LARP1B: variants seen among roughly 807,000 people sequenced by gnomAD.
LARP1B encodes the protein la-related protein 1B.
Under a neutral mutation model 114.2 loss-of-function variants are expected in LARP1B, and 76 were observed. The observed-to-expected ratio is 0.67, with a 90% confidence interval of 0.55 to 0.81. LARP1B has a LOEUF of 0.81. Among genes scored for constraint, LARP1B ranks in the 30% least tolerant of loss-of-function variants. LARP1B has a pLI of 0.00. For missense variants in LARP1B, 1,014 were observed against 1,075.8 expected (o/e 0.94, Z 0.80); for synonymous variants, 345 against 348.0 (o/e 0.99, Z 0.10).
chr4:128,165,246 G>A (rs1030675687), intron 12 of LARP1B, among the ~76,000 whole-genome samples: 38 of 151,688 alleles, frequency 2.5e-4, no homozygotes, highest in African/African-American at 8.9e-4. Flanking sequence ...CGGTATGAGT[G>A]TGTATCAGCT....
chr4:128,114,832 AT>A, intron 10 of LARP1B, 90 bp downstream of exon 10: 1 of 1,231,342 alleles, frequency 8.1e-7, no homozygotes, highest in Non-Finnish European at 1.1e-6. Flanking sequence ...CATATGTAAA[AT>A]TTGGAAAAGT....
chr4:128,107,989 G>T, intron 9 of LARP1B: 1 of 1,526,154 alleles, frequency 6.6e-7, no homozygotes, highest in Non-Finnish European at 8.7e-7. Flanking sequence ...AAATCCTGCT[G>T]CAAAAATGAA....
At chr4:128,146,903 T>C (rs1370488292) in intron 11 of LARP1B, among the ~76,000 whole-genome samples, 2 of 152,216 alleles carry the variant, frequency 1.3e-5, no homozygotes, top group African/African-American at 4.8e-5. Flanking sequence ...GAATATTCTA[T>C]ATTATAAAAC....
At chr4:128,216,415 G>A (rs1028075173), downstream of LARP1B, among the ~76,000 whole-genome samples, 19 of 63,676 alleles carry the variant, frequency 3.0e-4, 1 homozygote, top group African/African-American at 9.4e-4. Context: ...CTCAGCAAAT[G>A]TAAAAGAACA....
intron 1 of LARP1B, among the ~76,000 whole-genome samples, chr4:128,067,226 A>G (rs1217932953): frequency 2.0e-5 from 3 of 152,138 alleles, no homozygotes; most frequent in Non-Finnish European, 4.4e-5. Flanking sequence ...TGATTGTATA[A>G]TTTATACTAT....
chr4:128,122,614 T>G (rs1788384019), intron 11 of LARP1B: 1 of 1,468,460 alleles, frequency 6.8e-7, no homozygotes, highest in Non-Finnish European at 8.9e-7. Flanking sequence ...TAGAGAGCAC[T>G]CTTCTTGCCT....
chr4:128,191,790 T>A (rs183626376), intron 15 of LARP1B, among the ~76,000 whole-genome samples: 6 of 152,264 alleles, frequency 3.9e-5, no homozygotes. Flanking sequence ...TTATACTTCT[T>A]ATGGGTTGAG....
chr4:128,062,308 C>G, intron 1 of LARP1B: 1 of 981,580 alleles, frequency 1.0e-6, no homozygotes, highest in Non-Finnish European at 1.2e-6. Flanking sequence ...GTAGCGGGCA[C>G]CAGGCCCGGG....
rs116434674 is a variant in LARP1B at position 128,095,084 on chromosome 4, A to T, written c.669-3102A>T. 4.8e-3 allele frequency among the ~76,000 whole-genome samples: 732 copies of T among 152,286 alleles called. 3 individuals carry two copies. Among genetic ancestry groups the T allele is most frequent in the Non-Finnish European group, 7.4e-3 (502 of 68,024 alleles). On this transcript the variant is annotated intron_variant, in intron 7 of 19. Transcript: ENST00000326639. ...TAGAATTTTAACACATGTATTATGT[A>T]TCTGCCACATGCCAGACACTATGAA...
intron 15 of LARP1B, among the ~76,000 whole-genome samples, chr4:128,184,673 A>AC: frequency 6.6e-6 from 1 of 152,180 alleles, no homozygotes; most frequent in South Asian, 2.1e-4. Flanking sequence ...ACTATAAAAC[A>AC]CTAGGTCTCA....
At chr4:128,155,245 T>C (rs1397678856) in intron 11 of LARP1B, 5 of 371,306 alleles carry the variant, frequency 1.3e-5, no homozygotes, top group Non-Finnish European at 2.4e-5. Context: ...ACCCTATTGC[T>C]GAGAACAGCT....
chr4:128,186,122 G>A (rs1458045896), intron 15 of LARP1B, among the ~76,000 whole-genome samples: 2 of 151,966 alleles, frequency 1.3e-5, no homozygotes, highest in African/African-American at 4.8e-5. Context: ...ATGCCTCCAG[G>A]TTTATTCTTT....
At chr4:128,124,207 G>C (rs1006739074) in intron 11 of LARP1B, among the ~76,000 whole-genome samples, 9 of 152,060 alleles carry the variant, frequency 5.9e-5, no homozygotes, top group African/African-American at 2.2e-4. Flanking sequence ...AGCTAACTGG[G>C]GGAACAGACT....
At chr4:128,111,690 C>CT (rs4000705) in intron 9 of LARP1B, among the ~76,000 whole-genome samples, 1 of 151,302 alleles carries the variant, frequency 6.6e-6, no homozygotes, top group Admixed American at 6.6e-5. Context: ...GGCCCTGTCT[C>CT]TTTTTTTTGT....
At chr4:128,121,781 A>C (rs1213368874) in intron 10 of LARP1B, 45 bp from the exon 11 acceptor site, 1 of 1,334,460 alleles carries the variant, frequency 7.5e-7, no homozygotes, top group Non-Finnish European at 1.0e-6. Context: ...TTAATTTAAA[A>C]ATGATAGAAA....
rs111633213 is a variant in LARP1B, at chr4:128,098,413, A to G, written c.813+83A>G. On this transcript the variant is annotated intron_variant, in intron 8 of 19. Transcript: ENST00000326639. ...AAACTTCTCTGAAAAACAGAGTACT[A>G]AAAACAGACAATCTGTAGTTGCTTG... 6,958 of 1,145,838 alleles carry G rather than the reference A, an allele frequency of 6.1e-3. 300 individuals are homozygous for G. The African/African-American group carries it at 0.096, about 16-fold the overall frequency. The allele number at this position is 1,145,838 out of a possible 1,614,324, so 71.0% of individuals were successfully genotyped here.
At chr4:128,110,905 A>T (rs1351028415) in intron 9 of LARP1B, among the ~76,000 whole-genome samples, 1 of 151,922 alleles carries the variant, frequency 6.6e-6, no homozygotes, top group African/African-American at 2.4e-5. Flanking sequence ...CTTAAATAAC[A>T]TTTAGAGATA....
intron 5 of LARP1B, among the ~76,000 whole-genome samples, chr4:128,088,731 ATG>A (rs1312244600): frequency 3.3e-5 from 5 of 152,310 alleles, no homozygotes; most frequent in African/African-American, 1.2e-4. Flanking sequence ...TTTAAATGAT[ATG>A]TGTTTATAAA....
intron 1 of LARP1B, among the ~76,000 whole-genome samples, chr4:128,066,797 ATT>A (rs34995808): frequency 0.36 from 44,792 of 125,028 alleles, 8,035 homozygotes; most frequent in Middle Eastern, 0.49. Context: ...TTTTCTTGCC[ATT>A]TTTTTTTTTT....
Sources: allele counts gnomAD v4.1 joint callset (sites outside exome capture counted in the v4.1 genomes callset), GRCh38; gene constraint gnomAD v4.1.1; transcripts MANE v1.5; gene names NCBI Gene and HGNC (gene_info 2026-07-23, HGNC 2026-07-21).